The following ZNF423 variants were observed in gnomAD, a reference collection of about 807,000 sequenced individuals.
ZNF423 encodes the protein Ebf-associated zinc finger protein.
In ZNF423, 12 loss-of-function variants were observed where a neutral mutation model predicts 95.8. The observed-to-expected ratio is 0.13, with a 90% CI of 0.08 to 0.20. The LOEUF (loss-of-function observed/expected upper bound fraction) is 0.20, where lower values mean the gene tolerates loss of function less well. ZNF423 is among the 10% of genes least tolerant of loss of function. The pLI, the probability that ZNF423 is intolerant of heterozygous loss-of-function variation, is 1.00. For synonymous variants in ZNF423, 749 were observed against 711.9 expected, an observed-to-expected ratio of 1.05 and a Z score of -0.83; for missense variants, 1,316 against 1,737.1, an observed-to-expected ratio of 0.76 and a Z score of 4.31.
chr16:49,650,403 C>T (rs192043372), intron 3 of ZNF423, among the ~76,000 whole-genome samples: 1 of 152,330 alleles, frequency 6.6e-6, no homozygotes, highest in East Asian at 1.9e-4. Context: ...TTACATACTG[C>T]TAAACATTGG....
chr16:49,667,693 G>A (rs1399972798), intron 3 of ZNF423, among the ~76,000 whole-genome samples: 1 of 152,200 alleles, frequency 6.6e-6, no homozygotes, highest in African/African-American at 2.4e-5. Flanking sequence ...ACCAGCTTGG[G>A]CAGCATAGCA....
At chr16:49,851,938 T>C (rs529251946) in intron 1 of ZNF423, among the ~76,000 whole-genome samples, 2 of 152,266 alleles carry the variant, frequency 1.3e-5, no homozygotes, top group East Asian at 3.9e-4. Flanking sequence ...CCACTCCACA[T>C]AGAAAGCTAA....
Position 49,617,857 on chromosome 16 carries a change from C to G in ZNF423, c.3601+8313G>C, listed in dbSNP as rs1038838044. On this transcript the variant is annotated intron_variant, in intron 5 of 7. Coordinates refer to ENST00000563137, the MANE Select transcript of ZNF423 (RefSeq NM_001379286.1). ...GCCACTTGTTGCTGAGCCACACAGA[C>G]CCTCTTCAGCCTCCCTCCCAGTGCA... Among the ~76,000 whole-genome samples, 15 of 152,250 alleles carry G rather than the reference C, an allele frequency of 9.9e-5. 1 individual carries two copies. The South Asian group carries it at 2.1e-3, about 21-fold the overall frequency.
intron 5 of ZNF423, among the ~76,000 whole-genome samples, chr16:49,589,841 G>A (rs1482619962): frequency 6.6e-6 from 1 of 151,818 alleles, no homozygotes; most frequent in Non-Finnish European, 1.5e-5. Flanking sequence ...CATTATTAAC[G>A]GCACATTCCT....
chr16:49,718,154 C>T (rs2032761847), intron 3 of ZNF423, among the ~76,000 whole-genome samples: 1 of 152,188 alleles, frequency 6.6e-6, no homozygotes, highest in Non-Finnish European at 1.5e-5. Flanking sequence ...GGTGTGGTGG[C>T]TCACACCTGT....
intron 3 of ZNF423, among the ~76,000 whole-genome samples, chr16:49,684,205 T>G (rs73569302): frequency 1.3e-5 from 2 of 152,192 alleles, no homozygotes; most frequent in Non-Finnish European, 2.9e-5. Context: ...TAAATTCTCA[T>G]GTGTGCAGAC....
At chr16:49,746,886 C>T (rs571421715) in intron 2 of ZNF423, among the ~76,000 whole-genome samples, 103 of 152,344 alleles carry the variant, frequency 6.8e-4, no homozygotes, top group Middle Eastern at 3.4e-3. Context: ...CAGTGCTCAG[C>T]AGTTGTGGCA....
At chr16:49,553,057 G>T (rs189814107) in intron 5 of ZNF423, among the ~76,000 whole-genome samples, 2 of 152,206 alleles carry the variant, frequency 1.3e-5, no homozygotes, top group East Asian at 3.9e-4. Context: ...ATGCTGTAAA[G>T]ATCAAATATT....
At position 49,492,388 on chromosome 16, in the gene ZNF423, G is replaced by A. The variant is rs976720544; in HGVS notation, c.3850-1084C>T. On this transcript the variant is annotated intron_variant, in intron 7 of 7. Coordinates refer to ENST00000563137, the MANE Select transcript of ZNF423 (RefSeq NM_001379286.1). This position sits in a 1 kb window ranked among gnomAD's most constrained non-coding sequence, Gnocchi z 4.2. Reference sequence around the variant, plus strand: ...GCAGCTGTGCCGCTGACCGCCAGGGGTCAGCAGAGGCACCGCGTCTCTCCT... The same window carrying A: ...GCAGCTGTGCCGCTGACCGCCAGGGATCAGCAGAGGCACCGCGTCTCTCCT... Among the ~76,000 whole-genome samples, 3 of 152,184 alleles carry A rather than the reference G, an allele frequency of 2.0e-5. No homozygotes were observed. Among genetic ancestry groups the A allele is most frequent in the Non-Finnish European group, 4.4e-5 (3 of 68,016 alleles).
rs185084248 is a variant in ZNF423, at chr16:49,805,051, C to G, written c.41-15505G>C. Among the ~76,000 whole-genome samples the G allele has an allele frequency of 3.9e-4, 59 of 152,106 alleles. No homozygotes were observed. In the East Asian group the frequency reaches 8.9e-3, roughly 23 times the overall value. ...AGTAGCTGGGATTACAGGTGCCCAC[C>G]ACCGCACCCAGCTAATTTTTGTATA... is the stretch of plus-strand genomic sequence containing the variant. On this transcript the variant is annotated intron_variant, in intron 1 of 7. Coordinates refer to ENST00000563137, the MANE Select transcript of ZNF423 (RefSeq NM_001379286.1).
At chr16:49,823,318 TCA>T (rs1478086892) in intron 1 of ZNF423, among the ~76,000 whole-genome samples, 9 of 152,184 alleles carry the variant, frequency 5.9e-5, no homozygotes, top group African/African-American at 2.2e-4. Context: ...CATTTATCAA[TCA>T]CTGACTAAGT....
chr16:49,636,137 C>G lies in ZNF423; in HGVS notation c.3039G>C (p.Glu1013Asp). ...MPLQSEEEFI[E>D]HCQMHPDLRN... ...GCAGGTCAGGGTGCATCTGGCAGTGCTCAATAAACTCCTCCTCGCTCTGCA... is the reference window on the plus strand; with the variant it reads ...GCAGGTCAGGGTGCATCTGGCAGTGGTCAATAAACTCCTCCTCGCTCTGCA... The change falls in exon 4 of 8, where the codon GAG becomes GAC. Residue 1013 changes from glutamate (E) to aspartate (D), a missense_variant. Coordinates refer to ENST00000563137, the MANE Select transcript of ZNF423 (RefSeq NM_001379286.1). The surrounding 1 kb of genome is among the most constrained non-coding windows in gnomAD (Gnocchi z 8.6). 6.2e-7 allele frequency: 1 copy of G among 1,613,902 alleles called. No individual in the cohort carries two copies. The highest frequency in any genetic ancestry group is 8.5e-7 in the Non-Finnish European group (1 of 1,180,044).
rs765236256 is a variant in ZNF423 at position 49,637,314 on chromosome 16, G to A, written c.1862C>T (p.Ser621Phe). 1 of 1,614,228 alleles carries A rather than the reference G, an allele frequency of 6.2e-7. No individual in the cohort carries two copies. Among genetic ancestry groups the A allele is most frequent in the South Asian group, 1.1e-5 (1 of 91,086 alleles). ...TGAGAGCCGCTGCCGCTTCGGGGAA[G>A]ACACCTCCACATCGGACGAGACTGG... Reference protein sequence around the residue: ...QSPVSSDVEVSSPKRQRLSAS... With the variant: ...QSPVSSDVEVFSPKRQRLSAS... The change falls in exon 4 of 8, where the codon TCT becomes TTT. Residue 621 changes from serine (S) to phenylalanine (F), a missense_variant. Ser to Phe is a radical substitution (Grantham distance 155, BLOSUM62 -2). This residue lies in a region of ZNF423 where 620 missense variants were observed against 775.6 expected (regional missense o/e 0.80). Coordinates refer to ENST00000563137, the MANE Select transcript of ZNF423 (RefSeq NM_001379286.1). This position sits in a 1 kb window ranked among gnomAD's most constrained non-coding sequence, Gnocchi z 5.6.
At chr16:49,706,287 T>C (rs1482880989) in intron 3 of ZNF423, among the ~76,000 whole-genome samples, 7 of 152,222 alleles carry the variant, frequency 4.6e-5, no homozygotes, top group Non-Finnish European at 5.9e-5. Context: ...CATTTAACAA[T>C]TGGACCCTCC....
At chr16:49,640,309 C>CA (rs1207751192) in intron 3 of ZNF423, among the ~76,000 whole-genome samples, 1 of 152,124 alleles carries the variant, frequency 6.6e-6, no homozygotes, top group Non-Finnish European at 1.5e-5. Context: ...ACACACACAA[C>CA]ACCCACCATC....
intron 2 of ZNF423, among the ~76,000 whole-genome samples, chr16:49,770,625 C>T (rs1464246048): frequency 6.6e-6 from 1 of 151,802 alleles, no homozygotes; most frequent in African/African-American, 2.4e-5. Flanking sequence ...GGGACAGCGG[C>T]TGGGCCTTGG....
chr16:49,858,717 GCCC>G (rs35734564), upstream of ZNF423, among the ~76,000 whole-genome samples: 4 of 132,802 alleles, frequency 3.0e-5, no homozygotes, highest in African/African-American at 8.4e-5. This position sits in a 1 kb window ranked among gnomAD's most constrained non-coding sequence, Gnocchi z 4.3. Flanking sequence ...GGGAATAGGA[GCCC>G]CCCCCCCCAC....
At chr16:49,596,874 G>A (rs1408398060) in intron 5 of ZNF423, among the ~76,000 whole-genome samples, 2 of 152,208 alleles carry the variant, frequency 1.3e-5, no homozygotes. Context: ...AGGCAGGGAT[G>A]GAATATGGCA....
chr16:49,822,469 C>A (rs1243591355), intron 1 of ZNF423, among the ~76,000 whole-genome samples: 1 of 152,142 alleles, frequency 6.6e-6, no homozygotes, highest in Non-Finnish European at 1.5e-5. Flanking sequence ...CCACCACATC[C>A]GGCCCCCTGC....
Sources: gnomAD v4.1 joint callset for allele counts (sites outside exome capture counted in the v4.1 genomes callset) on GRCh38, gnomAD v4.1.1 for gene constraint, gnomAD v4.1.1 regional missense constraint, Gnocchi (gnomAD v3.1) non-coding constraint, MANE v1.5 for transcripts, NCBI Gene and HGNC (gene_info 2026-07-23, HGNC 2026-07-21) for gene names.